The following ZNF251 variants were observed in gnomAD, a reference collection of about 807,000 sequenced individuals.
The protein encoded by ZNF251 is zinc finger protein 251.
A neutral mutation model predicts 13.5 loss-of-function variants in ZNF251; 14 were observed. The ratio of observed to expected loss-of-function variants is 1.04; its 90% CI spans 0.69 to 1.63. ZNF251 has a LOEUF of 1.63. ZNF251 is among the 40% of genes most tolerant of loss of function. The pLI is 0.00. For missense variants in ZNF251, 764 were observed against 834.9 expected (o/e 0.92, Z 1.05); for synonymous variants, 287 against 295.2 (o/e 0.97, Z 0.28).
At chr8:144,752,000 G>A (rs185607364) in intron 4 of ZNF251, among the ~76,000 whole-genome samples, 54 of 152,206 alleles carry the variant, frequency 3.5e-4, no homozygotes, top group African/African-American at 1.3e-3. Context: ...AGTCATAAGT[G>A]AAGTAAGTCT....
intron 4 of ZNF251, among the ~76,000 whole-genome samples, chr8:144,751,535 G>A (rs774066458): frequency 2.0e-5 from 3 of 151,950 alleles, no homozygotes; most frequent in Admixed American, 6.6e-5. Context: ...TAAACCTTAG[G>A]AAAATCACTG....
At chr8:144,741,604 A>G (rs2130019893) in intron 4 of ZNF251, among the ~76,000 whole-genome samples, 1 of 152,378 alleles carries the variant, frequency 6.6e-6, no homozygotes. Flanking sequence ...TCCTCAGTGA[A>G]GTAAAACAAA....
In ZNF251 at chr8:144,723,006, G is replaced by C; in HGVS notation, c.654C>G (p.Phe218Leu). The stretch of plus-strand genomic sequence containing the variant: ...GTCTACTTAGGTCTGAATTATATTT[G>C]AAGGTTTTGCTGCATATATCACATT... ...VFKCDICSKT[F>L]KYNSDLSRHQ... Residue 218 changes from phenylalanine to leucine, a missense_variant, in exon 5 of 5, where the codon TTC becomes TTG. Coordinates refer to ENST00000292562, the MANE Select transcript of ZNF251 (RefSeq NM_138367.2). 1 of 1,613,918 alleles carries C rather than the reference G, an allele frequency of 6.2e-7. No individual in the cohort carries two copies. The highest frequency in any genetic ancestry group is 8.5e-7 in the Non-Finnish European group (1 of 1,179,856).
rs575852787 is a variant in ZNF251, at chr8:144,733,418, C to T, written c.278-10036G>A. On this transcript the variant is annotated intron_variant, in intron 4 of 4. Transcript: ENST00000292562. The stretch of plus-strand genomic sequence containing the variant: ...AGCACGCCTGTTTCTGAGCTGCCTC[C>T]GCATGTGCTATGCTCTTTGACATGA... Among the ~76,000 whole-genome samples the T allele has an allele frequency of 5.3e-5, 8 of 152,296 alleles. No homozygotes were observed. The East Asian group carries it at 7.7e-4, about 15-fold the overall frequency.
intron 4 of ZNF251, among the ~76,000 whole-genome samples, chr8:144,723,592 TCAAAA>T (rs915615372): frequency 1.3e-5 from 2 of 152,122 alleles, no homozygotes; most frequent in African/African-American, 4.8e-5. Context: ...AGTAGTCAAA[TCAAAA>T]CAAATTACGA....
Position 144,723,071 on chromosome 8 carries a change from C to T in ZNF251, c.589G>A (p.Val197Ile), listed in dbSNP as rs745405547. 2 of 1,614,032 alleles carry T rather than the reference C, an allele frequency of 1.2e-6. No homozygotes were observed. Among genetic ancestry groups the T allele is most frequent in the Non-Finnish European group, 1.7e-6 (2 of 1,179,886 alleles). The stretch of plus-strand genomic sequence containing the variant: ...CCTGTTTTATTTCTTTGAAGTCTAA[C>T]AACATTTTGGTCCAGATTCAAGTTT... ...DRNLNLDQNV[V>I]RLQRNKTGER... The change falls in exon 5 of 5, where the codon GTT becomes ATT. Residue 197 changes from valine (V) to isoleucine (I), a missense_variant. Transcript: ENST00000292562.
chr8:144,722,231 T>C lies in ZNF251; in HGVS notation c.1429A>G (p.Thr477Ala), dbSNP rs747594687. 9 of 1,613,682 alleles carry C rather than the reference T, an allele frequency of 5.6e-6. No homozygotes were observed. In the South Asian group the frequency reaches 9.9e-5, roughly 18 times the overall value. ...GKAFSQSSQL[T>A]LHQRVHTGEK... is the part of the protein sequence containing the mutation. ...CCAGTGTGAACTCGCTGATGTAGGG[T>C]GAGCTGGGAGCTCTGGCTGAAAGCT... Residue 477 changes from threonine to alanine, a missense_variant, in exon 5 of 5, where the codon ACC becomes GCC. Transcript: ENST00000292562. The surrounding 1 kb of genome is among the most constrained non-coding windows in gnomAD (Gnocchi z 4.8).
intron 4 of ZNF251, among the ~76,000 whole-genome samples, chr8:144,747,689 T>C (rs1483242523): frequency 6.6e-6 from 1 of 151,994 alleles, no homozygotes; most frequent in Non-Finnish European, 1.5e-5. Flanking sequence ...CTCGGCTGAC[T>C]GCAACCTCTG....
intron 4 of ZNF251, among the ~76,000 whole-genome samples, chr8:144,749,564 C>T (rs1824592835): frequency 6.6e-6 from 1 of 152,194 alleles, no homozygotes; most frequent in South Asian, 2.1e-4. Flanking sequence ...CCATTTTCTA[C>T]TTTTTGCCCT....
chr8:144,753,274 GAAAAAAAAAA>G (rs11336657), intron 4 of ZNF251, among the ~76,000 whole-genome samples: 6 of 41,818 alleles, frequency 1.4e-4, no homozygotes, highest in East Asian at 8.7e-4. Flanking sequence ...ATTCTGTCTC[GAAAAAAAAAA>G]AAAAAAAAAA....
chr8:144,737,646 C>T (rs1477767090), intron 4 of ZNF251, among the ~76,000 whole-genome samples: 1 of 151,678 alleles, frequency 6.6e-6, no homozygotes, highest in Non-Finnish European at 1.5e-5. Flanking sequence ...TCCTGGCTAA[C>T]ACGGTGAAAC....
At chr8:144,727,591 C>T (rs1430953486) in intron 4 of ZNF251, among the ~76,000 whole-genome samples, 1 of 152,168 alleles carries the variant, frequency 6.6e-6, no homozygotes, top group Non-Finnish European at 1.5e-5. Context: ...TCTTCTGCAG[C>T]TTCCTTACCC....
chr8:144,735,915 G>C (rs921247424), intron 4 of ZNF251, among the ~76,000 whole-genome samples: 1 of 152,148 alleles, frequency 6.6e-6, no homozygotes, highest in East Asian at 1.9e-4. Flanking sequence ...CCTGGTGCTC[G>C]GCAGTCGCCT....
At chr8:144,729,315 C>A (rs535595336) in intron 4 of ZNF251, among the ~76,000 whole-genome samples, 83 of 148,422 alleles carry the variant, frequency 5.6e-4, no homozygotes, top group South Asian at 8.8e-4. Context: ...ATATAAGATT[C>A]CTTTTATTTA....
At chr8:144,742,151 A>G (rs985768524) in intron 4 of ZNF251, among the ~76,000 whole-genome samples, 46 of 152,236 alleles carry the variant, frequency 3.0e-4, no homozygotes, top group African/African-American at 1.1e-3. Context: ...CTGACTCCTC[A>G]TCGAAAGTCA....
Position 144,746,605 on chromosome 8 carries a change from C to T in ZNF251, c.277+7078G>A, listed in dbSNP as rs116760346. ...ATGTTTGGTAGAAGTCATAAGTGAA[C>T]CCATCTGAGCCCAGTGGATTCTATT... On this transcript the variant is annotated intron_variant, in intron 4 of 4. Transcript: ENST00000292562. 5.6e-3 allele frequency among the ~76,000 whole-genome samples: 845 copies of T among 152,246 alleles called. 9 individuals carry two copies. Among genetic ancestry groups the T allele is most frequent in the African/African-American group, 0.019 (787 of 41,538 alleles).
chr8:144,729,001 T>A (rs556309547), intron 4 of ZNF251, among the ~76,000 whole-genome samples: 237 of 144,338 alleles, frequency 1.6e-3, no homozygotes, highest in Non-Finnish European at 2.6e-3. Flanking sequence ...GGCAGGAGAA[T>A]CACTAGAACC....
chr8:144,724,694 T>C (rs1823468869), intron 4 of ZNF251, among the ~76,000 whole-genome samples: 2 of 152,220 alleles, frequency 1.3e-5, no homozygotes, highest in South Asian at 4.1e-4. Flanking sequence ...AAAACGGGGC[T>C]GTTTAAACCC....
At chr8:144,732,883 G>T (rs1175712833) in intron 4 of ZNF251, among the ~76,000 whole-genome samples, 3 of 151,298 alleles carry the variant, frequency 2.0e-5, no homozygotes, top group South Asian at 4.2e-4. Context: ...ACCACAGTAG[G>T]TAACTTAATA....
Sources: gnomAD v4.1 joint callset for allele counts (sites outside exome capture counted in the v4.1 genomes callset) on GRCh38, gnomAD v4.1.1 for gene constraint, Gnocchi (gnomAD v3.1) non-coding constraint, MANE v1.5 for transcripts, NCBI Gene and HGNC (gene_info 2026-07-23, HGNC 2026-07-21) for gene names.